Variants in HS2ST1 observed in about 807,000 individuals in gnomAD.
HS2ST1 encodes the protein heparan sulfate 2-O-sulfotransferase 1.
Under a neutral mutation model 42.9 loss-of-function variants are expected in HS2ST1, and 18 were observed. The observed-to-expected ratio is 0.42, with a 90% CI of 0.29 to 0.62. The LOEUF (loss-of-function observed/expected upper bound fraction) is 0.62. Among genes scored for constraint, HS2ST1 ranks in the 20% least tolerant of loss-of-function variants. HS2ST1 has a pLI of 0.21. For synonymous variants in HS2ST1, 146 were observed against 152.9 expected (o/e 0.95, Z 0.33); for missense variants, 334 against 433.8 (o/e 0.77, Z 2.04).
intron 1 of HS2ST1, among the ~76,000 whole-genome samples, chr1:87,054,164 A>T (rs1650902254): frequency 6.6e-6 from 1 of 152,140 alleles, no homozygotes; most frequent in African/African-American, 2.4e-5. Flanking sequence ...GAGTTACATT[A>T]ATAGCCTATT....
At chr1:87,034,942 T>A (rs1650333919) in intron 1 of HS2ST1, among the ~76,000 whole-genome samples, 1 of 152,126 alleles carries the variant, frequency 6.6e-6, no homozygotes, top group African/African-American at 2.4e-5. Flanking sequence ...TCAATGTAAT[T>A]TCAAGTATCC....
At chr1:86,998,518 C>T (rs1218500462) in intron 1 of HS2ST1, among the ~76,000 whole-genome samples, 1 of 152,246 alleles carries the variant, frequency 6.6e-6, no homozygotes, top group Non-Finnish European at 1.5e-5. Flanking sequence ...TTACAGTTCA[C>T]AGTGGTTTTA....
chr1:86,923,501 A>T (rs1660347367), intron 1 of HS2ST1, among the ~76,000 whole-genome samples: 2 of 150,006 alleles, frequency 1.3e-5, no homozygotes, highest in Non-Finnish European at 1.5e-5. Context: ...GGTTCACGCC[A>T]TTCTCCTGCC....
At chr1:86,973,259 A>G (rs1648290407) in intron 1 of HS2ST1, among the ~76,000 whole-genome samples, 1 of 150,796 alleles carries the variant, frequency 6.6e-6, no homozygotes, top group Non-Finnish European at 1.5e-5. Context: ...ACCAAGATCT[A>G]TGGATTTATC....
chr1:87,045,343 G>T lies in HS2ST1; in HGVS notation c.125-27591G>T, dbSNP rs1001912083. 5.5e-5 allele frequency: 71 copies of T among 1,298,056 alleles called. No homozygotes were observed. The Admixed American group carries it at 8.1e-4, about 15-fold the overall frequency. 80.4% of individuals were successfully genotyped at this position (1,298,056 alleles called of 1,614,324 possible). Reference sequence around the variant, plus strand: ...TCATTCCAAATTCTGACAACTTCTTGTGATTATTAGCTTCTGTCTCTCCCT... The same window carrying T: ...TCATTCCAAATTCTGACAACTTCTTTTGATTATTAGCTTCTGTCTCTCCCT... On this transcript the variant is annotated intron_variant, in intron 1 of 6. Coordinates refer to ENST00000370550, the MANE Select transcript of HS2ST1 (RefSeq NM_012262.4).
intron 1 of HS2ST1, among the ~76,000 whole-genome samples, chr1:87,008,337 A>G (rs1325456567): frequency 6.6e-6 from 1 of 152,222 alleles, no homozygotes; most frequent in African/African-American, 2.4e-5. Flanking sequence ...TATAACATAT[A>G]CCATCAGTTA....
intron 1 of HS2ST1, among the ~76,000 whole-genome samples, chr1:87,013,453 C>T (rs1028162642): frequency 6.6e-6 from 1 of 152,224 alleles, no homozygotes; most frequent in Admixed American, 6.5e-5. Flanking sequence ...CCTGAGACTA[C>T]ATAAAACAGC....
At chr1:87,000,533 G>T (rs1271332408) in intron 1 of HS2ST1, among the ~76,000 whole-genome samples, 1 of 152,122 alleles carries the variant, frequency 6.6e-6, no homozygotes, top group Non-Finnish European at 1.5e-5. Flanking sequence ...GTGGCGTCTG[G>T]CATCAGACTG....
chr1:86,929,172 TACAA>T (rs1384008817), intron 1 of HS2ST1, among the ~76,000 whole-genome samples: 1 of 151,948 alleles, frequency 6.6e-6, no homozygotes, highest in African/African-American at 2.4e-5. Context: ...TGAATGTTTG[TACAA>T]ACACTGTAGT....
rs970490055 is a variant in HS2ST1, at chr1:86,914,917, C to G, written c.-120C>G. 2 of 1,275,618 alleles carry G rather than the reference C, an allele frequency of 1.6e-6. No homozygotes were observed. Among genetic ancestry groups the G allele is most frequent in the East Asian group, 2.3e-5 (1 of 42,862 alleles). The allele number at this position is 1,275,618 out of a possible 1,614,324, so 79.0% of individuals were successfully genotyped here. On this transcript the variant is annotated 5_prime_UTR_variant, in exon 1 of 7. Coordinates refer to ENST00000370550, the MANE Select transcript of HS2ST1 (RefSeq NM_012262.4). The stretch of plus-strand genomic sequence containing the variant: ...AGGGGGGTCGCTGCGGTGGTTCTCT[C>G]GCTGTCGCTCTCTCTTTGCCTCGCT...
intron 1 of HS2ST1, among the ~76,000 whole-genome samples, chr1:86,990,201 G>A (rs763704359): frequency 4.6e-5 from 7 of 152,050 alleles, no homozygotes; most frequent in African/African-American, 7.2e-5. Flanking sequence ...AAAAGCATTC[G>A]GAGAACTTAT....
At chr1:86,974,513 C>T (rs1648336264) in intron 1 of HS2ST1, among the ~76,000 whole-genome samples, 1 of 152,154 alleles carries the variant, frequency 6.6e-6, no homozygotes, top group Non-Finnish European at 1.5e-5. Context: ...AATTATCAAA[C>T]CAAATGGAGG....
At chr1:87,030,070 T>A (rs1302867389) in intron 1 of HS2ST1, among the ~76,000 whole-genome samples, 1 of 152,202 alleles carries the variant, frequency 6.6e-6, no homozygotes, top group Non-Finnish European at 1.5e-5. Flanking sequence ...TCTGTGTTTT[T>A]GCCAGTTTGT....
intron 1 of HS2ST1, among the ~76,000 whole-genome samples, chr1:86,929,026 ATAAC>A (rs751505950): frequency 1.4e-4 from 21 of 151,906 alleles, no homozygotes; most frequent in Non-Finnish European, 2.1e-4. Flanking sequence ...CATTTAGACA[ATAAC>A]TAACAGTTAT....
chr1:86,991,146 A>G (rs1276934097), intron 1 of HS2ST1, among the ~76,000 whole-genome samples: 1 of 151,486 alleles, frequency 6.6e-6, no homozygotes, highest in Admixed American at 6.6e-5. Flanking sequence ...CCCAGTGGGT[A>G]TTTCTCTTGG....
At chr1:86,915,866 C>T (rs1433753899) in intron 1 of HS2ST1, among the ~76,000 whole-genome samples, 1 of 152,044 alleles carries the variant, frequency 6.6e-6, no homozygotes, top group African/African-American at 2.4e-5. Context: ...AATAGGGATG[C>T]CTATGTATGT....
chr1:86,964,546 G>A (rs1405397261), intron 1 of HS2ST1, among the ~76,000 whole-genome samples: 1 of 152,262 alleles, frequency 6.6e-6, no homozygotes, highest in Non-Finnish European at 1.5e-5. Context: ...GCTGAGGCAG[G>A]AGAATCAGGC....
chr1:87,014,803 A>G (rs1007100166), intron 1 of HS2ST1, among the ~76,000 whole-genome samples: 4 of 152,212 alleles, frequency 2.6e-5, no homozygotes, highest in Admixed American at 6.5e-5. Flanking sequence ...CACTCTTGTT[A>G]TTGATCTTTA....
chr1:86,958,578 T>C (rs572975596), intron 1 of HS2ST1: 36 of 152,360 alleles, frequency 2.4e-4, no homozygotes, highest in African/African-American at 8.4e-4. Flanking sequence ...GTAATTAACA[T>C]TATGCATATT....
Sources: gnomAD v4.1 joint callset for allele counts (sites outside exome capture counted in the v4.1 genomes callset) on GRCh38, gnomAD v4.1.1 for gene constraint, MANE v1.5 for transcripts, NCBI Gene and HGNC (gene_info 2026-07-23, HGNC 2026-07-21) for gene names.